NMNAT3: variants seen among roughly 807,000 people sequenced by gnomAD.
NMNAT3 encodes the protein nicotinamide nucleotide adenylyltransferase 3.
Under a neutral mutation model 24.8 loss-of-function variants are expected in NMNAT3, and 21 were observed. That is an observed-to-expected ratio of 0.85 (90% CI 0.60 to 1.22). The LOEUF is 1.22. Ranked by LOEUF, NMNAT3 falls within the 50% of genes most tolerant of loss-of-function variation. The pLI is 0.00. For synonymous variants in NMNAT3, 136 were observed against 155.2 expected (o/e 0.88, Z 0.92); for missense variants, 387 against 436.6 (o/e 0.89, Z 1.01).
At chr3:139,627,420 A>G (rs185390507) in intron 3 of NMNAT3, among the ~76,000 whole-genome samples, 196 bp downstream of exon 4, 138 of 152,306 alleles carry the variant, frequency 9.1e-4, no homozygotes, top group African/African-American at 3.0e-3. Context: ...GTTCAGCTCT[A>G]TGGCAAGGGG....
At chr3:139,564,256 G>A (rs888046682) in intron 6 of NMNAT3, among the ~76,000 whole-genome samples, 3 of 148,102 alleles carry the variant, frequency 2.0e-5, no homozygotes, top group Non-Finnish European at 3.1e-5. Flanking sequence ...CAACAGTGAT[G>A]TCTGTCATGG....
chr3:139,661,318 C>T (rs892049979), intron 1 of NMNAT3, among the ~76,000 whole-genome samples: 1 of 152,152 alleles, frequency 6.6e-6, no homozygotes, highest in Non-Finnish European at 1.5e-5. Context: ...AGACTAAGTA[C>T]ATCCTTGTAC....
At chr3:139,674,314 T>C (rs1187753180) in intron 1 of NMNAT3, among the ~76,000 whole-genome samples, 2 of 152,170 alleles carry the variant, frequency 1.3e-5, no homozygotes, top group Non-Finnish European at 2.9e-5. Flanking sequence ...GGAGACACAA[T>C]GATGAAGGAA....
At chr3:139,570,410 A>G (rs1369581681) in intron 6 of NMNAT3, 3 of 152,158 alleles carry the variant, frequency 2.0e-5, no homozygotes, top group Non-Finnish European at 1.5e-5. Context: ...TTGGAGGAGG[A>G]GAGGCACTCT....
At chr3:139,627,424 C>T (rs1430912914) in intron 3 of NMNAT3, among the ~76,000 whole-genome samples, 192 bp downstream of exon 4, 1 of 152,104 alleles carries the variant, frequency 6.6e-6, no homozygotes, top group Non-Finnish European at 1.5e-5. Flanking sequence ...AGCTCTATGG[C>T]AAGGGGTATG....
intron 1 of NMNAT3, among the ~76,000 whole-genome samples, chr3:139,638,292 G>A (rs2056577543): frequency 6.6e-6 from 1 of 152,148 alleles, no homozygotes; most frequent in Non-Finnish European, 1.5e-5. Context: ...CAAGGACCCT[G>A]ATTCCTGATT....
At position 139,645,374 on chromosome 3, in the gene NMNAT3, A is replaced by G. The variant is rs151044510; in HGVS notation, c.-140-7312T>C. Among the ~76,000 whole-genome samples the G allele has an allele frequency of 2.4e-4, 37 of 152,280 alleles. No individual in the cohort carries two copies. The East Asian group carries it at 6.6e-3, about 27-fold the overall frequency. Reference sequence around the variant, plus strand: ...TGAATAACAAATGTGGGGGAAAATAATGCCTTAGACAAAACAGGGCCTAAA... The same window carrying G: ...TGAATAACAAATGTGGGGGAAAATAGTGCCTTAGACAAAACAGGGCCTAAA... On this transcript the variant is annotated intron_variant, in intron 1 of 6. Transcript: ENST00000643695.
intron 3 of NMNAT3, among the ~76,000 whole-genome samples, chr3:139,611,264 A>G (rs1409437283): frequency 6.6e-6 from 1 of 152,216 alleles, no homozygotes; most frequent in African/African-American, 2.4e-5. Flanking sequence ...TCATGGCCAC[A>G]GGAATAGGAG....
chr3:139,596,458 T>G (rs1013300469), intron 3 of NMNAT3, among the ~76,000 whole-genome samples: 1 of 152,184 alleles, frequency 6.6e-6, no homozygotes, highest in Non-Finnish European at 1.5e-5. Flanking sequence ...AGTGACTATG[T>G]TGTTTTCTTT....
chr3:139,603,349 A>G (rs1015062781), intron 3 of NMNAT3, among the ~76,000 whole-genome samples: 2 of 152,208 alleles, frequency 1.3e-5, no homozygotes, highest in African/African-American at 4.8e-5. Context: ...GGAATTGGTT[A>G]CTTTCATTTG....
At chr3:139,677,429 G>T (rs1185013599) in intron 1 of NMNAT3, among the ~76,000 whole-genome samples, 1 of 152,194 alleles carries the variant, frequency 6.6e-6, no homozygotes, top group South Asian at 2.1e-4. Context: ...AGTGCTAAAG[G>T]TGGGATCCGA....
At chr3:139,567,485 T>C (rs894379265) in intron 6 of NMNAT3, 2 of 152,134 alleles carry the variant, frequency 1.3e-5, no homozygotes, top group African/African-American at 4.8e-5. Flanking sequence ...AGTATGATAT[T>C]GGCTGTGGGT....
intron 1 of NMNAT3, among the ~76,000 whole-genome samples, chr3:139,666,731 C>A (rs921603835): frequency 2.6e-5 from 4 of 152,142 alleles, no homozygotes; most frequent in African/African-American, 7.2e-5. Flanking sequence ...CTTTACTGTA[C>A]CAGCCTCACC....
intron 1 of NMNAT3, among the ~76,000 whole-genome samples, chr3:139,664,465 T>C (rs561446126): frequency 9.9e-5 from 15 of 152,248 alleles, no homozygotes; most frequent in African/African-American, 3.6e-4. Context: ...TCAATAGGGA[T>C]ACTGGAAAAA....
chr3:139,565,246 T>C (rs927437246), intron 6 of NMNAT3, among the ~76,000 whole-genome samples: 11 of 152,362 alleles, frequency 7.2e-5, no homozygotes, highest in Admixed American at 2.0e-4. Context: ...TCCCAATCTC[T>C]AATTATTTCC....
rs115041762 is a variant in NMNAT3 at position 139,673,264 on chromosome 3, G to T, written c.-141+4441C>A. 6.2e-3 allele frequency among the ~76,000 whole-genome samples: 943 copies of T among 152,304 alleles called. 8 individuals are homozygous for T. The highest frequency in any genetic ancestry group is 0.021 in the African/African-American group (853 of 41,558). ...TTGCTGCTGCTACCCAAGATGAGAT[G>T]TATGACGCTGAGAACTGGAGCACCC... On this transcript the variant is annotated intron_variant, in intron 1 of 6. Transcript: ENST00000643695.
intron 6 of NMNAT3, among the ~76,000 whole-genome samples, chr3:139,563,222 T>C (rs914902438): frequency 1.3e-5 from 2 of 152,220 alleles, no homozygotes; most frequent in African/African-American, 4.8e-5. Context: ...TCACAACACA[T>C]ATGTATATTT....
intron 3 of NMNAT3, among the ~76,000 whole-genome samples, chr3:139,586,668 T>C (rs2053952227): frequency 6.6e-6 from 1 of 152,190 alleles, no homozygotes; most frequent in Non-Finnish European, 1.5e-5. Flanking sequence ...AAAGCTTTCA[T>C]TTAAAAGAGC....
intron 1 of NMNAT3, among the ~76,000 whole-genome samples, chr3:139,656,488 G>A (rs1194879075): frequency 6.6e-6 from 1 of 152,058 alleles, no homozygotes; most frequent in Non-Finnish European, 1.5e-5. Context: ...CATTTTAACG[G>A]GGCAGTCAAA....
Sources: gnomAD v4.1 joint callset for allele counts (sites outside exome capture counted in the v4.1 genomes callset) on GRCh38, gnomAD v4.1.1 for gene constraint, MANE v1.5 for transcripts, NCBI Gene and HGNC (gene_info 2026-07-23, HGNC 2026-07-21) for gene names.